BRIP1: variants seen among roughly 807,000 people sequenced by gnomAD.
BRIP1 encodes Fanconi anemia group J protein.
Under a neutral mutation model 119.7 loss-of-function variants are expected in BRIP1, and 88 were observed. That is an observed-to-expected ratio of 0.74 (90% CI 0.62 to 0.88). The LOEUF is 0.88. Ranked by LOEUF, BRIP1 falls within the 40% of genes least tolerant of loss-of-function variation. The pLI is 0.00. For missense variants in BRIP1, 1,259 were observed against 1,455.4 expected (o/e 0.87, Z 2.20); for synonymous variants, 443 against 496.5 (o/e 0.89, Z 1.43).
In BRIP1 at chr17:61,846,130, G is replaced by A. The variant is rs138271680; in HGVS notation, c.627+971C>T. On this transcript the variant is annotated intron_variant, in intron 6 of 19. Coordinates refer to ENST00000259008, the MANE Select transcript of BRIP1 (RefSeq NM_032043.3). This position sits in a 1 kb window ranked among gnomAD's most constrained non-coding sequence, Gnocchi z 4.3. The stretch of plus-strand genomic sequence containing the variant: ...CCAGGAGGCGGAGCTTGCAGTGGGC[G>A]GAGATCACGCCACCGCACTTCCAGC... Among the ~76,000 whole-genome samples, 2,649 of 151,734 alleles carry A rather than the reference G, an allele frequency of 0.017. 48 individuals are homozygous for A. The highest frequency in any genetic ancestry group is 0.022 in the Non-Finnish European group (1,497 of 67,868).
chr17:61,792,772 T>A (rs935851573), intron 10 of BRIP1, among the ~76,000 whole-genome samples: 1 of 152,192 alleles, frequency 6.6e-6, no homozygotes, highest in Non-Finnish European at 1.5e-5. Flanking sequence ...AGGCAAAACC[T>A]AATTGAACTC....
Position 61,793,812 on chromosome 17 carries a change from G to T in BRIP1, c.1341-83C>A. Reference sequence around the variant, plus strand: ...GCAGAACAAGAGAATCATCATTATTGTCATGCGTTGATCTGTATATCTTGA... The same window carrying T: ...GCAGAACAAGAGAATCATCATTATTTTCATGCGTTGATCTGTATATCTTGA... On this transcript the variant is annotated intron_variant, in intron 9 of 19. Coordinates refer to ENST00000259008, the MANE Select transcript of BRIP1 (RefSeq NM_032043.3). The surrounding 1 kb of genome is among the most constrained non-coding windows in gnomAD (Gnocchi z 5.2). 1 of 1,401,872 alleles carries T rather than the reference G, an allele frequency of 7.1e-7. No individual in the cohort carries two copies. The allele number at this position is 1,401,872 out of a possible 1,614,324, so 86.8% of individuals were successfully genotyped here. A position where few individuals can be genotyped will look rare whatever the true frequency, so the allele number is the denominator to read the frequency against.
rs2145418046 is a variant in BRIP1 at position 61,808,626 on chromosome 17, G to A, written c.759C>T (p.His253=). ...IPKIYFGTRT[H]KQIAQITREL... is the part of the protein sequence containing the mutation. The stretch of plus-strand genomic sequence containing the variant: ...CTCTAGTAATCTGAGCAATCTGCTT[G>A]TGTGTGCGTGTCCCAAAATATATTT... Residue 253 remains histidine, a synonymous_variant, in exon 7 of 20, where the codon CAC becomes CAT. Transcript: ENST00000259008. The surrounding 1 kb of genome is among the most constrained non-coding windows in gnomAD (Gnocchi z 4.1). 1 of 1,613,948 alleles carries A rather than the reference G, an allele frequency of 6.2e-7. No homozygotes were observed. Among genetic ancestry groups the A allele is most frequent in the South Asian group, 1.1e-5 (1 of 91,084 alleles).
chr17:61,741,235 A>G (rs2076983002), intron 16 of BRIP1, among the ~76,000 whole-genome samples: 1 of 152,302 alleles, frequency 6.6e-6, no homozygotes, highest in Non-Finnish European at 1.5e-5. Flanking sequence ...TCACGTCTTA[A>G]GCTCCACTTC....
Position 61,738,429 on chromosome 17 carries a change from G to T in BRIP1, c.2379+4584C>A, listed in dbSNP as rs1240662075. ...CTTGTACCTTTTGGGAACCACTAGGGATAACCCTTTAGAACCACCTTCCTC... is the reference window on the plus strand; with the variant it reads ...CTTGTACCTTTTGGGAACCACTAGGTATAACCCTTTAGAACCACCTTCCTC... On this transcript the variant is annotated intron_variant, in intron 16 of 19. Transcript: ENST00000259008. This position sits in a 1 kb window ranked among gnomAD's most constrained non-coding sequence, Gnocchi z 4.2. 6.6e-6 allele frequency among the ~76,000 whole-genome samples: 1 copy of T among 152,080 alleles called. No individual in the cohort carries two copies. Among genetic ancestry groups the T allele is most frequent in the Non-Finnish European group, 1.5e-5 (1 of 68,022 alleles).
At position 61,695,576 on chromosome 17, in the gene BRIP1, G is replaced by T. The variant is rs2061508299; in HGVS notation, c.2493-2064C>A. Among the ~76,000 whole-genome samples, 1 of 151,992 alleles carries T rather than the reference G, an allele frequency of 6.6e-6. No homozygotes were observed. The highest frequency in any genetic ancestry group is 1.5e-5 in the Non-Finnish European group (1 of 67,952). On this transcript the variant is annotated intron_variant, in intron 17 of 19. Coordinates refer to ENST00000259008, the MANE Select transcript of BRIP1 (RefSeq NM_032043.3). This position sits in a 1 kb window ranked among gnomAD's most constrained non-coding sequence, Gnocchi z 4.3. The stretch of plus-strand genomic sequence containing the variant: ...TATTTAACCTCTATATCAATATAGG[G>T]GAGTGTTGATATCCTAATGATAAGT...
chr17:61,700,994 T>C lies in BRIP1; in HGVS notation c.2493-7482A>G, dbSNP rs545590528. ...TTCCAACTCCAGAATTTCCATTAGG[T>C]TTTTGTTAAGCAAATTTTATCTCTT... On this transcript the variant is annotated intron_variant, in intron 17 of 19. Transcript: ENST00000259008. This position sits in a 1 kb window ranked among gnomAD's most constrained non-coding sequence, Gnocchi z 4.1. Among the ~76,000 whole-genome samples the C allele has an allele frequency of 6.6e-6, 1 of 152,278 alleles. No individual in the cohort carries two copies. Among genetic ancestry groups the C allele is most frequent in the South Asian group, 2.1e-4 (1 of 4,822 alleles).
intron 6 of BRIP1, among the ~76,000 whole-genome samples, chr17:61,817,786 G>A (rs937518119): frequency 6.6e-6 from 1 of 152,198 alleles, no homozygotes; most frequent in African/African-American, 2.4e-5. Flanking sequence ...TGCATTGTAT[G>A]TGTGAGAAAT....
intron 10 of BRIP1, among the ~76,000 whole-genome samples, chr17:61,786,753 T>A (rs2077714458): frequency 1.5e-5 from 2 of 135,382 alleles, no homozygotes; most frequent in African/African-American, 2.7e-5. Context: ...ATTTCTATAT[T>A]ATATATTTTA....
chr17:61,771,985 T>G (rs1203557424), intron 14 of BRIP1, among the ~76,000 whole-genome samples: 1 of 151,418 alleles, frequency 6.6e-6, no homozygotes, highest in Non-Finnish European at 1.5e-5. Context: ...ACATTTAGAA[T>G]TATCACAAGA....
Position 61,831,349 on chromosome 17 carries a change from A to G in BRIP1, c.627+15752T>C, listed in dbSNP as rs947383972. Among the ~76,000 whole-genome samples the G allele has an allele frequency of 6.6e-6, 1 of 152,254 alleles. No homozygotes were observed. Among genetic ancestry groups the G allele is most frequent in the Non-Finnish European group, 1.5e-5 (1 of 68,044 alleles). ...ACTTTGGGTACTTAGAAAGTCCTAAAGAAACTCCAAAAATATCAACTAGAA... is the reference window on the plus strand; with the variant it reads ...ACTTTGGGTACTTAGAAAGTCCTAAGGAAACTCCAAAAATATCAACTAGAA... On this transcript the variant is annotated intron_variant, in intron 6 of 19. Transcript: ENST00000259008. This position sits in a 1 kb window ranked among gnomAD's most constrained non-coding sequence, Gnocchi z 4.1.
At chr17:61,731,978 TTTC>T (rs1409775708) in intron 16 of BRIP1, among the ~76,000 whole-genome samples, 3,799 of 137,714 alleles carry the variant, frequency 0.028, 213 homozygotes, top group African/African-American at 0.1. Context: ...TCTTTCTTTC[TTTC>T]TTTTTTTTTT....
chr17:61,696,255 T>C (rs960673487), intron 17 of BRIP1, among the ~76,000 whole-genome samples: 1 of 151,648 alleles, frequency 6.6e-6, no homozygotes, highest in Non-Finnish European at 1.5e-5. Context: ...TCTTTTAATA[T>C]GGTGTATTAC....
rs2077214171 is a variant in BRIP1, at chr17:61,757,355, A to T, written c.2098-12764T>A. Among the ~76,000 whole-genome samples, 1 of 152,184 alleles carries T rather than the reference A, an allele frequency of 6.6e-6. No homozygotes were observed. Among genetic ancestry groups the T allele is most frequent in the Non-Finnish European group, 1.5e-5 (1 of 68,022 alleles). On this transcript the variant is annotated intron_variant, in intron 14 of 19. Coordinates refer to ENST00000259008, the MANE Select transcript of BRIP1 (RefSeq NM_032043.3). The surrounding 1 kb of genome is among the most constrained non-coding windows in gnomAD (Gnocchi z 4.3). ...TTTCAGAATCAAACTTTCAATGAAC[A>T]CAGGTGCAGTTGGAGGTGCACTTGG...
chr17:61,718,839 G>C (rs887826543), intron 16 of BRIP1, among the ~76,000 whole-genome samples: 2 of 152,184 alleles, frequency 1.3e-5, no homozygotes, highest in Non-Finnish European at 2.9e-5. Flanking sequence ...GGATGCTCAA[G>C]TACTTGATAC....
intron 3 of BRIP1, among the ~76,000 whole-genome samples, chr17:61,858,498 C>A (rs1402660821): frequency 1.3e-5 from 2 of 151,764 alleles, no homozygotes; most frequent in South Asian, 2.1e-4. Context: ...CTCAGCCTCT[C>A]GAGTAGCTGG....
In BRIP1 at chr17:61,828,037, C is replaced by T. The variant is rs2078434855; in HGVS notation, c.627+19064G>A. 6.6e-6 allele frequency among the ~76,000 whole-genome samples: 1 copy of T among 152,096 alleles called. No individual in the cohort carries two copies. The highest frequency in any genetic ancestry group is 1.5e-5 in the Non-Finnish European group (1 of 68,016). On this transcript the variant is annotated intron_variant, in intron 6 of 19. Transcript: ENST00000259008. The surrounding 1 kb of genome is among the most constrained non-coding windows in gnomAD (Gnocchi z 4.1). ...CTTAAATATAGAATTACCATATGGT[C>T]CAGAAATTCCACTCTTAGGTGTATA...
Position 61,807,213 on chromosome 17 carries a change from T to A in BRIP1, c.918+1254A>T, listed in dbSNP as rs115441872. 5.3e-4 allele frequency among the ~76,000 whole-genome samples: 80 copies of A among 152,346 alleles called. 1 individual carries two copies. Among genetic ancestry groups the A allele is most frequent in the African/African-American group, 1.9e-3 (77 of 41,582 alleles). ...AGTTTTACCATAAAGAGCTTTATTTTATTATTTTTGAACACCTGACACTTA... is the reference window on the plus strand; with the variant it reads ...AGTTTTACCATAAAGAGCTTTATTTAATTATTTTTGAACACCTGACACTTA... On this transcript the variant is annotated intron_variant, in intron 7 of 19. Coordinates refer to ENST00000259008, the MANE Select transcript of BRIP1 (RefSeq NM_032043.3). This position sits in a 1 kb window ranked among gnomAD's most constrained non-coding sequence, Gnocchi z 4.5.
In BRIP1 at chr17:61,841,486, A is replaced by G. The variant is rs1395478757; in HGVS notation, c.627+5615T>C. Among the ~76,000 whole-genome samples the G allele has an allele frequency of 6.6e-6, 1 of 152,186 alleles. No individual in the cohort carries two copies. Among genetic ancestry groups the G allele is most frequent in the Non-Finnish European group, 1.5e-5 (1 of 68,038 alleles). Reference sequence around the variant, plus strand: ...AATCATCAGGGAAATATAAATCAAAAGCACAATAAGATATCATCTCACTCA... The same window carrying G: ...AATCATCAGGGAAATATAAATCAAAGGCACAATAAGATATCATCTCACTCA... On this transcript the variant is annotated intron_variant, in intron 6 of 19. Transcript: ENST00000259008. This position sits in a 1 kb window ranked among gnomAD's most constrained non-coding sequence, Gnocchi z 4.1.
Sources: gnomAD v4.1 joint callset for allele counts (sites outside exome capture counted in the v4.1 genomes callset) on GRCh38, gnomAD v4.1.1 for gene constraint, Gnocchi (gnomAD v3.1) non-coding constraint, MANE v1.5 for transcripts, NCBI Gene and HGNC (gene_info 2026-07-23, HGNC 2026-07-21) for gene names.